Variants in SAV1 observed in about 807,000 individuals in gnomAD.
SAV1 encodes salvador family WW domain containing protein 1, also known as protein salvador homolog 1.
SAV1 carries 23 observed loss-of-function variants against 47.3 expected under a neutral mutation model. That is an observed-to-expected ratio of 0.49 (90% CI 0.35 to 0.69). The LOEUF is 0.69. Among genes scored for constraint, SAV1 ranks in the 30% least tolerant of loss-of-function variants. The pLI, the probability that SAV1 is intolerant of heterozygous loss-of-function variation, is 0.01. For synonymous variants in SAV1, 155 were observed against 159.2 expected (o/e 0.97, Z 0.20); for missense variants, 448 against 457.4 (o/e 0.98, Z 0.19).
At chr14:50,653,249 A>G (rs774788434) in intron 2 of SAV1, among the ~76,000 whole-genome samples, 6 of 152,218 alleles carry the variant, frequency 3.9e-5, no homozygotes, top group Non-Finnish European at 7.3e-5. Flanking sequence ...TAAAATCCAA[A>G]TAAAGCTTGG....
At chr14:50,635,463 T>G in intron 4 of SAV1, 79 bp from the exon 5 acceptor site, 1 of 1,125,802 alleles carries the variant, frequency 8.9e-7, no homozygotes, top group South Asian at 1.4e-5. Context: ...AGTCTGTTTT[T>G]TAAAATGTCA....
At chr14:50,658,788 T>C (rs1190957193) in intron 2 of SAV1, among the ~76,000 whole-genome samples, 2 of 152,208 alleles carry the variant, frequency 1.3e-5, no homozygotes, top group African/African-American at 2.4e-5. Context: ...TTATTCAGCA[T>C]AAATCCTAAA....
At chr14:50,664,471 A>G (rs1163654905) in intron 2 of SAV1, 2 of 152,186 alleles carry the variant, frequency 1.3e-5, no homozygotes, top group African/African-American at 4.8e-5. Flanking sequence ...TGGTAAAACC[A>G]GGACTTCAGG....
At chr14:50,639,312 G>T (rs774317209) in intron 4 of SAV1, among the ~76,000 whole-genome samples, 1 of 152,046 alleles carries the variant, frequency 6.6e-6, no homozygotes, top group African/African-American at 2.4e-5. Context: ...AAAAACAAAA[G>T]GAAGAAACAT....
chr14:50,665,654 T>C, intron 1 of SAV1, 35 bp from the exon 2 acceptor site: 1 of 1,512,404 alleles, frequency 6.6e-7, no homozygotes. Flanking sequence ...TACCCTTTCA[T>C]CATTAAGTAA....
intron 4 of SAV1, among the ~76,000 whole-genome samples, chr14:50,639,564 C>T (rs1169140854): frequency 1.3e-5 from 2 of 152,144 alleles, no homozygotes; most frequent in East Asian, 1.9e-4. Context: ...GGAAGAATTA[C>T]AACCTATTTG....
rs1566749175 is a variant in SAV1, at chr14:50,665,484, G to A, written c.230C>T (p.Pro77Leu). Reference sequence around the variant, plus strand: ...TATTTCATGAGGTGTTCTTTGAATTGGAGTTCTAAGGAAACTCTGGTTTCT... The same window carrying A: ...TATTTCATGAGGTGTTCTTTGAATTAGAGTTCTAAGGAAACTCTGGTTTCT... Reference protein sequence around the residue: ...VSRNQSFLRTPIQRTPHEIMR... With the variant: ...VSRNQSFLRTLIQRTPHEIMR... The change falls in exon 2 of 5, where the codon CCA (proline) becomes CTA (leucine). Residue 77 changes from proline to leucine, a missense_variant. Transcript: ENST00000324679. The A allele has an allele frequency of 6.2e-7, 1 of 1,613,922 alleles. No individual in the cohort carries two copies. The highest frequency in any genetic ancestry group is 8.5e-7 in the Non-Finnish European group (1 of 1,179,930).
chr14:50,654,344 A>G (rs2039794655), intron 2 of SAV1, among the ~76,000 whole-genome samples: 1 of 152,210 alleles, frequency 6.6e-6, no homozygotes, highest in African/African-American at 2.4e-5. Context: ...AGTATATTCT[A>G]TCTCAAGAAA....
intron 2 of SAV1, among the ~76,000 whole-genome samples, chr14:50,649,381 G>C (rs546863614): frequency 4.6e-5 from 7 of 152,296 alleles, no homozygotes; most frequent in Admixed American, 1.3e-4. Flanking sequence ...CCAGTCTCTA[G>C]AACAGTGTCT....
At chr14:50,635,994 A>G (rs1293648968) in intron 4 of SAV1, among the ~76,000 whole-genome samples, 2 of 152,156 alleles carry the variant, frequency 1.3e-5, no homozygotes, top group Non-Finnish European at 2.9e-5. Context: ...TTTGGGAGCC[A>G]CCGCGCCCGG....
At chr14:50,644,700 G>C (rs1483649212) in intron 3 of SAV1, 44 bp downstream of exon 3, 2 of 1,565,074 alleles carry the variant, frequency 1.3e-6, no homozygotes, top group Non-Finnish European at 1.7e-6. Flanking sequence ...CCTAACATTA[G>C]ACAATCCCGA....
intron 4 of SAV1, among the ~76,000 whole-genome samples, chr14:50,636,109 T>C (rs1438336489): frequency 6.6e-6 from 1 of 152,212 alleles, no homozygotes; most frequent in Non-Finnish European, 1.5e-5. Context: ...TATTCTAATA[T>C]TAACACCAGA....
rs1168000424 is a variant in SAV1, at chr14:50,667,887, C to T, written c.81G>A (p.Ser27=). The T allele has an allele frequency of 1.2e-6, 2 of 1,613,040 alleles. No individual in the cohort carries two copies. Among genetic ancestry groups the T allele is most frequent in the Non-Finnish European group, 8.5e-7 (1 of 1,179,434 alleles). The part of the protein sequence containing the change: ...VQGKYVKKET[S]PLLRNLMPSF... ...CCTGACACTCACTCCGAAGCAGAGG[C>T]GACGTCTCCTTCTTCACGTACTTCC... is the stretch of plus-strand genomic sequence containing the variant. The change falls in exon 1 of 5, where the codon TCG becomes TCA. Residue 27 remains serine, a synonymous_variant. Transcript: ENST00000324679.
At chr14:50,654,310 A>G (rs1196718565) in intron 2 of SAV1, among the ~76,000 whole-genome samples, 1 of 152,216 alleles carries the variant, frequency 6.6e-6, no homozygotes, top group African/African-American at 2.4e-5. Flanking sequence ...TCATTTCAAC[A>G]ATATTTACAG....
intron 2 of SAV1, among the ~76,000 whole-genome samples, chr14:50,650,360 T>C (rs1409327061): frequency 6.6e-6 from 1 of 152,192 alleles, no homozygotes; most frequent in African/African-American, 2.4e-5. Flanking sequence ...ATGATTTCTA[T>C]TTATTGCCCT....
chr14:50,667,231 G>T (rs2039909121), intron 1 of SAV1, among the ~76,000 whole-genome samples: 1 of 151,980 alleles, frequency 6.6e-6, no homozygotes, highest in Admixed American at 6.5e-5. Context: ...TTCGAGGGGG[G>T]GGTTCTCTAA....
At chr14:50,639,896 A>G (rs527851636) in intron 4 of SAV1, among the ~76,000 whole-genome samples, 1 of 152,346 alleles carries the variant, frequency 6.6e-6, no homozygotes, top group Non-Finnish European at 1.5e-5. Flanking sequence ...GCATACAAAC[A>G]TACAGCTGTA....
intron 2 of SAV1, among the ~76,000 whole-genome samples, chr14:50,656,404 A>G (rs527373542): frequency 1.3e-5 from 2 of 151,698 alleles, no homozygotes; most frequent in South Asian, 4.2e-4. Context: ...TTTCTTAGAG[A>G]TATCTATTAA....
intron 1 of SAV1, among the ~76,000 whole-genome samples, chr14:50,666,920 C>G (rs945176537): frequency 1.3e-5 from 2 of 152,128 alleles, no homozygotes; most frequent in African/African-American, 4.8e-5. Context: ...AAAACATGCT[C>G]TCCCATCTGT....
Sources: gnomAD v4.1 joint callset for allele counts (sites outside exome capture counted in the v4.1 genomes callset) on GRCh38, gnomAD v4.1.1 for gene constraint, MANE v1.5 for transcripts, NCBI Gene and HGNC (gene_info 2026-07-23, HGNC 2026-07-21) for gene names.